Variants in NLRP5 observed in about 807,000 individuals in gnomAD.
NLRP5 encodes NLR family pyrin domain containing 5.
Under a neutral mutation model 113.1 loss-of-function variants are expected in NLRP5, and 93 were observed. The ratio of observed to expected loss-of-function variants is 0.82; its 90% CI spans 0.70 to 0.98. The LOEUF is 0.98. Among genes scored for constraint, NLRP5 ranks in the 50% least tolerant of loss-of-function variants. The pLI is 0.00. For synonymous variants in NLRP5, 751 were observed against 600.7 expected (o/e 1.25, Z -3.66); for missense variants, 1,808 against 1,514.3 (o/e 1.19, Z -3.22).
chr19:56,048,744 T>C (rs1983817141), intron 11 of NLRP5, among the ~76,000 whole-genome samples: 1 of 152,164 alleles, frequency 6.6e-6, no homozygotes, highest in Non-Finnish European at 1.5e-5. Flanking sequence ...TTGTGCTTCT[T>C]GTATTTGGAT....
chr19:56,053,991 A>C (rs2123340050), intron 13 of NLRP5, among the ~76,000 whole-genome samples, 183 bp downstream of exon 13: 1 of 152,194 alleles, frequency 6.6e-6, no homozygotes, highest in East Asian at 1.9e-4. Context: ...TATGGATGAG[A>C]CGGATGAAGT....
chr19:56,021,722 A>C lies in NLRP5; in HGVS notation c.679+1291A>C, dbSNP rs925164144. On this transcript the variant is annotated intron_variant, in intron 6 of 14. Transcript: ENST00000390649. ...ATTTTCTTCATCTGTTGTTCAGTTC[A>C]TGGGAATTTGGCTTTTTTCTCACTT... is the stretch of plus-strand genomic sequence containing the variant. Among the ~76,000 whole-genome samples the C allele has an allele frequency of 5.3e-5, 8 of 152,300 alleles. 1 individual carries two copies. Among genetic ancestry groups the C allele is most frequent in the Admixed American group, 5.2e-4 (8 of 15,282 alleles).
chr19:56,023,053 G>C (rs1179636924), intron 6 of NLRP5, among the ~76,000 whole-genome samples: 1 of 152,174 alleles, frequency 6.6e-6, no homozygotes, highest in African/African-American at 2.4e-5. Flanking sequence ...TTGATGCTTT[G>C]AATTTGAGGC....
chr19:56,038,578 G>A (rs908343862), intron 10 of NLRP5, among the ~76,000 whole-genome samples: 3 of 152,104 alleles, frequency 2.0e-5, no homozygotes, highest in African/African-American at 4.8e-5. Context: ...CATGGGTGGC[G>A]GTCAGGCTCC....
rs1311887390 is a variant in NLRP5 at position 56,027,253 on chromosome 19, G to GCCAGACTC, written c.1025_1032dup (p.Ala345ThrfsTer6). 2.5e-6 allele frequency: 4 copies of GCCAGACTC among 1,612,368 alleles called. No individual in the cohort carries two copies. The highest frequency in any genetic ancestry group is 1.7e-5 in the Admixed American group (1 of 59,974). On this transcript the variant is annotated frameshift_variant, in exon 7 of 15. Transcript: ENST00000390649. LOFTEE classifies it high-confidence loss of function. ...TCACAGAGTTCATCTCCAGGGAGTG[G>GCCAGACTC]CCAGACTCCCAGGCTCCGGTGACGG... is the stretch of plus-strand genomic sequence containing the variant.
At chr19:55,997,040 G>T (rs371803876), upstream of NLRP5, among the ~76,000 whole-genome samples, 3 of 152,076 alleles carry the variant, frequency 2.0e-5, no homozygotes, top group Non-Finnish European at 4.4e-5. Context: ...AACTGGTGTG[G>T]GATGGTATCT....
At chr19:56,006,824 C>T (rs1599878527) in intron 2 of NLRP5, among the ~76,000 whole-genome samples, 1 of 151,692 alleles carries the variant, frequency 6.6e-6, no homozygotes. Flanking sequence ...ACCGCAAGCT[C>T]CGCCTTCCGG....
the NLRP5 span, among the ~76,000 whole-genome samples, chr19:55,994,582 G>T: frequency 1.3e-5 from 2 of 152,156 alleles, no homozygotes; most frequent in Admixed American, 1.3e-4. Flanking sequence ...ATTTCTAGTA[G>T]AGATGGAGTT....
upstream of NLRP5, among the ~76,000 whole-genome samples, chr19:55,998,444 G>A (rs1485308220): frequency 1.2e-4 from 19 of 152,008 alleles, no homozygotes; most frequent in Admixed American, 1.2e-3. Context: ...ACAAGGTCAG[G>A]AGTTCGAGAC....
At chr19:56,051,755 T>C (rs894235453) in intron 12 of NLRP5, among the ~76,000 whole-genome samples, 4 of 152,230 alleles carry the variant, frequency 2.6e-5, no homozygotes, top group African/African-American at 4.8e-5. Context: ...ACACGTACCT[T>C]ATATCTAGTG....
rs553820171 is a variant in NLRP5, at chr19:56,025,265, T to C, written c.680-1648T>C. Among the ~76,000 whole-genome samples the C allele has an allele frequency of 1.1e-3, 172 of 152,284 alleles. 1 individual carries two copies. Among genetic ancestry groups the C allele is most frequent in the African/African-American group, 3.8e-3 (160 of 41,560 alleles). ...TCAAAACCACCCCCTTCCACCCCGG[T>C]GTGTGGAAAAATTGTCTTCCACAAA... On this transcript the variant is annotated intron_variant, in intron 6 of 14. Transcript: ENST00000390649.
chr19:56,050,265 G>A (rs575481977), intron 11 of NLRP5, among the ~76,000 whole-genome samples, 153 bp from the exon 12 acceptor site: 5 of 136,048 alleles, frequency 3.7e-5, no homozygotes, highest in South Asian at 2.5e-4. Context: ...GGGTGACAGA[G>A]CAAGACTCCT....
intron 11 of NLRP5, among the ~76,000 whole-genome samples, chr19:56,042,498 A>T (rs774187151): frequency 1.3e-5 from 2 of 152,116 alleles, no homozygotes; most frequent in Non-Finnish European, 2.9e-5. Context: ...ACAGCTGTGC[A>T]CCACCACACC....
intron 11 of NLRP5, among the ~76,000 whole-genome samples, chr19:56,045,281 T>C (rs1308848075): frequency 6.6e-6 from 1 of 152,232 alleles, no homozygotes; most frequent in Non-Finnish European, 1.5e-5. Flanking sequence ...GTCTTTGTTA[T>C]GCATGCATCT....
intron 1 of NLRP5, among the ~76,000 whole-genome samples, chr19:56,002,516 C>T (rs1981694256): frequency 6.6e-6 from 1 of 151,242 alleles, no homozygotes. Context: ...GCACAACGTG[C>T]AGGTTTGTTA....
intron 5 of NLRP5, among the ~76,000 whole-genome samples, 179 bp downstream of exon 5, chr19:56,019,577 A>G (rs1982536510): frequency 1.3e-5 from 2 of 152,172 alleles, no homozygotes; most frequent in South Asian, 4.1e-4. Flanking sequence ...AGAGCTACGC[A>G]AGTTCACTGT....
At chr19:56,049,470 C>T (rs531714049) in intron 11 of NLRP5, among the ~76,000 whole-genome samples, 10 of 152,170 alleles carry the variant, frequency 6.6e-5, no homozygotes, top group South Asian at 6.2e-4. Flanking sequence ...CATGAGCCAC[C>T]GTGCCCAGCC....
intron 11 of NLRP5, among the ~76,000 whole-genome samples, chr19:56,044,284 G>A (rs985382286): frequency 6.8e-4 from 104 of 151,996 alleles, no homozygotes; most frequent in African/African-American, 2.2e-3. Flanking sequence ...GGCTGGTCTC[G>A]AACTCCTGAT....
intron 6 of NLRP5, among the ~76,000 whole-genome samples, chr19:56,026,369 A>T (rs1021349438): frequency 3.3e-5 from 5 of 151,608 alleles, no homozygotes; most frequent in African/African-American, 9.7e-5. Context: ...TCTACTAAAA[A>T]TACAGAAAAT....
Sources: allele counts gnomAD v4.1 joint callset (sites outside exome capture counted in the v4.1 genomes callset), GRCh38; gene constraint gnomAD v4.1.1; transcripts MANE v1.5; gene names NCBI Gene and HGNC (gene_info 2026-07-23, HGNC 2026-07-21).